The following EXOC4 variants were observed in gnomAD, a reference collection of about 807,000 sequenced individuals.
The protein encoded by EXOC4 is exocyst complex component 4.
In EXOC4, 71 loss-of-function variants were observed where a neutral mutation model predicts 107.2. The ratio of observed to expected loss-of-function variants is 0.66; its 90% CI spans 0.55 to 0.81. EXOC4 has a LOEUF of 0.81. Ranked by LOEUF, EXOC4 falls within the 30% of genes least tolerant of loss-of-function variation. The pLI, the probability that EXOC4 is intolerant of heterozygous loss-of-function variation, is 0.00. For missense variants in EXOC4, 1,108 were observed against 1,189.6 expected (o/e 0.93, Z 1.01); for synonymous variants, 456 against 441.2 (o/e 1.03, Z -0.42).
intron 9 of EXOC4, among the ~76,000 whole-genome samples, chr7:133,518,627 G>A (rs1799925366): frequency 6.6e-6 from 1 of 152,158 alleles, no homozygotes; most frequent in Admixed American, 6.5e-5. Context: ...AAAATAAAAT[G>A]TAGTGTATAC....
In EXOC4 at chr7:133,346,366, C is replaced by T. The variant is rs564204480; in HGVS notation, c.764-9964C>T. ...TCCAGCGCTCATTGGAACTGTACTC[C>T]GGCTCCTCTCCATGTTTGCATTTCT... On this transcript the variant is annotated intron_variant, in intron 5 of 17. Transcript: ENST00000253861. Among the ~76,000 whole-genome samples the T allele has an allele frequency of 7.2e-5, 11 of 152,286 alleles. No homozygotes were observed. In the South Asian group the frequency reaches 1.0e-3, roughly 14 times the overall value.
chr7:133,873,327 C>T (rs1035290524), intron 11 of EXOC4, among the ~76,000 whole-genome samples: 1 of 152,230 alleles, frequency 6.6e-6, no homozygotes, highest in Admixed American at 6.5e-5. Context: ...GCATATGTCT[C>T]ATCAGGCATA....
At chr7:133,663,499 C>T (rs1793743042) in intron 10 of EXOC4, among the ~76,000 whole-genome samples, 1 of 152,138 alleles carries the variant, frequency 6.6e-6, no homozygotes, top group Admixed American at 6.6e-5. Context: ...ATTGGAACCT[C>T]AAATTTAAAA....
At chr7:133,845,696 C>T (rs530542655) in intron 11 of EXOC4, among the ~76,000 whole-genome samples, 92 of 152,176 alleles carry the variant, frequency 6.0e-4, no homozygotes, top group African/African-American at 2.1e-3. Context: ...CTGCTCAGAA[C>T]TTGGTATAAA....
At chr7:133,840,237 A>G (rs1378878778) in intron 11 of EXOC4, among the ~76,000 whole-genome samples, 1 of 152,234 alleles carries the variant, frequency 6.6e-6, no homozygotes, top group Non-Finnish European at 1.5e-5. Context: ...ACTGCATGTT[A>G]TACATAGCTT....
chr7:133,772,317 G>A (rs1016784725), intron 10 of EXOC4, among the ~76,000 whole-genome samples: 6 of 152,086 alleles, frequency 3.9e-5, no homozygotes, highest in African/African-American at 1.4e-4. Context: ...TTAAGTGGAA[G>A]ATGCCACTTG....
intron 17 of EXOC4, among the ~76,000 whole-genome samples, chr7:134,055,914 G>A (rs954117983): frequency 2.6e-5 from 4 of 152,132 alleles, no homozygotes; most frequent in African/African-American, 9.7e-5. Context: ...TGTTATTAGA[G>A]TTTCCTAAGC....
In EXOC4 at chr7:133,843,816, A is replaced by G. The variant is rs115823942; in HGVS notation, c.1734+26272A>G. Among the ~76,000 whole-genome samples, 365 of 152,192 alleles carry G rather than the reference A, an allele frequency of 2.4e-3. 5 individuals carry two copies. The highest frequency in any genetic ancestry group is 8.2e-3 in the African/African-American group (341 of 41,510). Reference sequence around the variant, plus strand: ...TGTGGGTTTGTCATAGATGGTTCATATTATTTTGAGTTATGTTCCTTCAGT... The same window carrying G: ...TGTGGGTTTGTCATAGATGGTTCATGTTATTTTGAGTTATGTTCCTTCAGT... On this transcript the variant is annotated intron_variant, in intron 11 of 17. Transcript: ENST00000253861.
chr7:133,773,464 T>TTATTA (rs1796284998), intron 10 of EXOC4, among the ~76,000 whole-genome samples: 73 of 149,294 alleles, frequency 4.9e-4, no homozygotes, highest in African/African-American at 1.8e-3. Flanking sequence ...TTACTAGGTT[T>TTATTA]TTATTATTAT....
At chr7:133,579,935 T>A (rs1801215468) in intron 9 of EXOC4, among the ~76,000 whole-genome samples, 1 of 152,206 alleles carries the variant, frequency 6.6e-6, no homozygotes, top group Non-Finnish European at 1.5e-5. Flanking sequence ...GACCTTGTGA[T>A]CTGCCCGCCT....
In EXOC4 at chr7:133,841,251, A is replaced by G. The variant is rs1046183276; in HGVS notation, c.1734+23707A>G. ...TGCTTTTATAACCTAATCACCTCCC[A>G]AAGTCCCCACCTCCTCATACTGTCA... On this transcript the variant is annotated intron_variant, in intron 11 of 17. Coordinates refer to ENST00000253861, the MANE Select transcript of EXOC4 (RefSeq NM_021807.4). 3.9e-5 allele frequency among the ~76,000 whole-genome samples: 6 copies of G among 152,162 alleles called. No homozygotes were observed. The East Asian group carries it at 7.7e-4, about 20-fold the overall frequency.
At chr7:133,713,369 A>T (rs78067904) in intron 10 of EXOC4, among the ~76,000 whole-genome samples, 1,609 of 151,406 alleles carry the variant, frequency 0.011, 36 homozygotes, top group African/African-American at 0.037. Context: ...CTTACCAATT[A>T]TTTTTTTTTC....
chr7:133,918,471 C>T (rs1366121859), intron 13 of EXOC4, among the ~76,000 whole-genome samples: 1 of 152,180 alleles, frequency 6.6e-6, no homozygotes, highest in African/African-American at 2.4e-5. Context: ...TTGTTCTTAA[C>T]ATGTTCTCCA....
intron 9 of EXOC4, among the ~76,000 whole-genome samples, chr7:133,579,265 A>AT (rs1801198535): frequency 6.6e-6 from 1 of 152,160 alleles, no homozygotes; most frequent in Non-Finnish European, 1.5e-5. Flanking sequence ...ATATATTGGC[A>AT]TTTTGTCTCT....
chr7:133,712,485 T>C (rs1271250412), intron 10 of EXOC4, among the ~76,000 whole-genome samples: 1 of 138,480 alleles, frequency 7.2e-6, no homozygotes. Context: ...GGAGCGCTCC[T>C]ACACTGCTGG....
At chr7:133,463,418 G>A (rs1798640771) in intron 7 of EXOC4, among the ~76,000 whole-genome samples, 1 of 152,152 alleles carries the variant, frequency 6.6e-6, no homozygotes, top group Admixed American at 6.5e-5. Context: ...TGCTTACTGT[G>A]ATATGGATGT....
chr7:133,441,827 G>A (rs1798110989), intron 7 of EXOC4, among the ~76,000 whole-genome samples: 1 of 152,216 alleles, frequency 6.6e-6, no homozygotes, highest in East Asian at 1.9e-4. Context: ...GTGTGTTTGT[G>A]TGTGGGGGGT....
intron 1 of EXOC4, among the ~76,000 whole-genome samples, chr7:133,261,358 C>T (rs1026304264): frequency 6.6e-6 from 1 of 151,738 alleles, no homozygotes; most frequent in Admixed American, 6.6e-5. Context: ...CCTCTGCCTC[C>T]CAGGCTCAGG....
chr7:133,407,238 T>C (rs1296017647), intron 7 of EXOC4, among the ~76,000 whole-genome samples: 1 of 152,178 alleles, frequency 6.6e-6, no homozygotes, highest in Admixed American at 6.5e-5. Flanking sequence ...TAGGTTAGTT[T>C]AATAAGAATC....
Sources: allele counts gnomAD v4.1 joint callset (sites outside exome capture counted in the v4.1 genomes callset), GRCh38; gene constraint gnomAD v4.1.1; transcripts MANE v1.5; gene names NCBI Gene and HGNC (gene_info 2026-07-23, HGNC 2026-07-21).